Variants in NREP observed in about 807,000 individuals in gnomAD.
NREP encodes the protein neuronal regeneration related protein.
NREP carries 5 observed loss-of-function variants against 8.6 expected under a neutral mutation model. The ratio of observed to expected loss-of-function variants is 0.58; its 90% CI spans 0.30 to 1.22. The LOEUF is 1.22. NREP is among the 50% of genes most tolerant of loss of function. NREP has a pLI of 0.07. For missense variants in NREP, 86 were observed against 82.5 expected (o/e 1.04, Z -0.17); for synonymous variants, 27 against 28.0 (o/e 0.96, Z 0.11).
chr5:111,757,725 G>C (rs1750823923), upstream of NREP: 1 of 984,528 alleles, frequency 1.0e-6, no homozygotes, highest in Non-Finnish European at 1.2e-6. Context: ...CTGCGCCCCG[G>C]CCCCGCCCCG....
At chr5:111,804,367 C>T (rs1012831286) in intron 2 of NREP, among the ~76,000 whole-genome samples, 1 of 152,130 alleles carries the variant, frequency 6.6e-6, no homozygotes, top group Non-Finnish European at 1.5e-5. Context: ...AAAGAATAAA[C>T]TGCAAATACA....
chr5:111,850,308 C>G (rs1753277720), intron 2 of NREP, among the ~76,000 whole-genome samples: 1 of 152,090 alleles, frequency 6.6e-6, no homozygotes, highest in Admixed American at 6.6e-5. Context: ...TCTACACTTC[C>G]TGCTTTGGAC....
At chr5:111,810,684 T>C (rs73789507) in intron 2 of NREP, among the ~76,000 whole-genome samples, 2,224 of 152,296 alleles carry the variant, frequency 0.015, 42 homozygotes, top group African/African-American at 0.04. Flanking sequence ...TCATGTAGTT[T>C]CTGGAACCCA....
At chr5:111,862,552 G>C (rs917333997) in intron 2 of NREP, among the ~76,000 whole-genome samples, 1 of 152,060 alleles carries the variant, frequency 6.6e-6, no homozygotes, top group Non-Finnish European at 1.5e-5. Context: ...CAACGTTCTC[G>C]AAAAATTGCC....
intron 2 of NREP, among the ~76,000 whole-genome samples, chr5:111,764,846 G>A (rs934264436): frequency 1.3e-5 from 2 of 152,140 alleles, no homozygotes; most frequent in African/African-American, 4.8e-5. Context: ...CACATATAAA[G>A]AATTATGAAG....
At chr5:111,976,879 G>T in exon 1 of NREP, 1 of 628,670 alleles carries the variant, frequency 1.6e-6, no homozygotes, top group Non-Finnish European at 2.8e-6. Flanking sequence ...TAAATAGCAT[G>T]ATTGCACTGC....
At chr5:111,874,438 AG>A (rs1442604203) in intron 2 of NREP, among the ~76,000 whole-genome samples, 2 of 152,218 alleles carry the variant, frequency 1.3e-5, no homozygotes, top group Non-Finnish European at 2.9e-5. Context: ...CTAAGAAGAT[AG>A]TTTTCCACTA....
intron 2 of NREP, among the ~76,000 whole-genome samples, chr5:111,893,610 T>C (rs1754442422): frequency 6.6e-6 from 1 of 151,076 alleles, no homozygotes; most frequent in South Asian, 2.1e-4. Context: ...ACATCTATCT[T>C]AAGGGTTAAA....
intron 2 of NREP, among the ~76,000 whole-genome samples, chr5:111,950,306 C>A (rs1383755017): frequency 6.6e-6 from 1 of 152,064 alleles, no homozygotes; most frequent in African/African-American, 2.4e-5. Flanking sequence ...AAAGGATTCC[C>A]TATTTAATAA....
chr5:111,963,323 G>A (rs967655975), intron 2 of NREP, among the ~76,000 whole-genome samples: 24 of 152,218 alleles, frequency 1.6e-4, no homozygotes, highest in Non-Finnish European at 2.9e-4. Context: ...CCCATTGCAA[G>A]TCCAACAATG....
At chr5:111,941,062 C>G (rs747440070) in intron 2 of NREP, among the ~76,000 whole-genome samples, 8 of 151,996 alleles carry the variant, frequency 5.3e-5, no homozygotes, top group Non-Finnish European at 1.0e-4. Context: ...AAGGTTGTTG[C>G]TGGGAGAAAC....
chr5:111,812,613 TG>T (rs1752295649), intron 2 of NREP, among the ~76,000 whole-genome samples: 1 of 152,178 alleles, frequency 6.6e-6, no homozygotes, highest in Non-Finnish European at 1.5e-5. Context: ...AAAAAATCTT[TG>T]CTTTTTGCCT....
chr5:111,835,941 A>G (rs1752882740), intron 2 of NREP, among the ~76,000 whole-genome samples: 1 of 152,140 alleles, frequency 6.6e-6, no homozygotes, highest in African/African-American at 2.4e-5. Context: ...AAATGGATGC[A>G]GATGTAAGAA....
At chr5:111,899,720 C>A (rs1037694975) in intron 2 of NREP, among the ~76,000 whole-genome samples, 2 of 152,102 alleles carry the variant, frequency 1.3e-5, no homozygotes, top group African/African-American at 4.8e-5. Flanking sequence ...TAAAGACACA[C>A]ATGGACTGAA....
At chr5:111,804,645 G>A (rs1325591311) in intron 2 of NREP, among the ~76,000 whole-genome samples, 1 of 152,058 alleles carries the variant, frequency 6.6e-6, no homozygotes, top group Non-Finnish European at 1.5e-5. Flanking sequence ...CAGGGAAAGC[G>A]CTGCTATCCC....
At chr5:111,820,636 T>G (rs191317770) in intron 2 of NREP, among the ~76,000 whole-genome samples, 12 of 152,240 alleles carry the variant, frequency 7.9e-5, no homozygotes, top group Non-Finnish European at 5.9e-5. Context: ...TATGTTACAT[T>G]ATTGTTAGTG....
chr5:111,904,827 A>G (rs1754738817), intron 2 of NREP, among the ~76,000 whole-genome samples: 1 of 152,146 alleles, frequency 6.6e-6, no homozygotes, highest in Non-Finnish European at 1.5e-5. Context: ...GCAGAAAACA[A>G]GACCAAGAAT....
intron 2 of NREP, among the ~76,000 whole-genome samples, chr5:111,971,110 A>G (rs1185980967): frequency 6.6e-6 from 1 of 152,188 alleles, no homozygotes; most frequent in Non-Finnish European, 1.5e-5. Flanking sequence ...AATTCAATAG[A>G]TTATGCTTTG....
At chr5:111,963,365 C>G (rs912722529) in intron 2 of NREP, among the ~76,000 whole-genome samples, 1 of 152,252 alleles carries the variant, frequency 6.6e-6, no homozygotes, top group Non-Finnish European at 1.5e-5. Context: ...TCAAGCATCT[C>G]AGAGAAACTC....
Sources: gnomAD v4.1 joint callset for allele counts (sites outside exome capture counted in the v4.1 genomes callset) on GRCh38, gnomAD v4.1.1 for gene constraint, MANE v1.5 for transcripts, NCBI Gene and HGNC (gene_info 2026-07-23, HGNC 2026-07-21) for gene names.